The following ARHGAP15 variants were observed in gnomAD, a reference collection of about 807,000 sequenced individuals.
ARHGAP15 encodes rho GTPase-activating protein 15.
In ARHGAP15, 51 loss-of-function variants were observed where a neutral mutation model predicts 63.7. The observed-to-expected ratio is 0.80, with a 90% confidence interval of 0.64 to 1.01. ARHGAP15 has a LOEUF of 1.01. Among genes scored for constraint, ARHGAP15 ranks in the 50% least tolerant of loss-of-function variants. ARHGAP15 has a pLI of 0.00. For missense variants in ARHGAP15, 560 were observed against 564.6 expected, an observed-to-expected ratio of 0.99 and a Z score of 0.08; for synonymous variants, 191 against 193.8, an observed-to-expected ratio of 0.99 and a Z score of 0.12.
chr2:143,303,252 C>G (rs558613801), intron 6 of ARHGAP15, among the ~76,000 whole-genome samples: 1 of 152,016 alleles, frequency 6.6e-6, no homozygotes, highest in South Asian at 2.1e-4. Flanking sequence ...AAAAATTTTG[C>G]TATGTATCCA....
At chr2:143,133,253 A>C (rs935461563) in intron 1 of ARHGAP15, among the ~76,000 whole-genome samples, 1 of 152,200 alleles carries the variant, frequency 6.6e-6, no homozygotes, top group Non-Finnish European at 1.5e-5. Flanking sequence ...AGGCACAAAA[A>C]CACGGCGTGT....
At position 143,662,078 on chromosome 2, in the gene ARHGAP15, A is replaced by G. The variant is rs370530007; in HGVS notation, c.1138+37811A>G. On this transcript the variant is annotated intron_variant, in intron 12 of 13. Coordinates refer to ENST00000295095, the MANE Select transcript of ARHGAP15 (RefSeq NM_018460.4). ...TGGGTGGAGCCCACCACAGCTCAAG[A>G]AGGCCTGCCTGCCTCTGTAGGCTCC... Among the ~76,000 whole-genome samples, 9 of 152,350 alleles carry G rather than the reference A, an allele frequency of 5.9e-5. 1 individual carries two copies. In the South Asian group the frequency reaches 1.0e-3, roughly 18 times the overall value.
rs944591540 is a variant in ARHGAP15, at chr2:143,167,395, C to T, written c.165+11740C>T. Among the ~76,000 whole-genome samples, 4 of 152,226 alleles carry T rather than the reference C, an allele frequency of 2.6e-5. No individual in the cohort carries two copies. The East Asian group carries it at 7.7e-4, about 29-fold the overall frequency. ...TAACCAGGAGACAAAATAGGCTCTA[C>T]TGAGACCTCACAATTCCTTATTTTT... On this transcript the variant is annotated intron_variant, in intron 2 of 13. Coordinates refer to ENST00000295095, the MANE Select transcript of ARHGAP15 (RefSeq NM_018460.4).
chr2:143,153,843 T>TTCTTCTTCTTCCTCTTCCTCC (rs1689957969), intron 1 of ARHGAP15, among the ~76,000 whole-genome samples: 10 of 86,892 alleles, frequency 1.2e-4, no homozygotes, highest in East Asian at 8.4e-4. Context: ...CTTCTTCTTC[T>TTCTTCTTCTTCCTCTTCCTCC]TCCTCCTCCT....
chr2:143,326,468 GATA>G (rs2105240342), intron 6 of ARHGAP15, among the ~76,000 whole-genome samples: 2 of 152,306 alleles, frequency 1.3e-5, no homozygotes, highest in South Asian at 4.1e-4. Flanking sequence ...GAGAAAGAAT[GATA>G]AACGGCTTTA....
intron 1 of ARHGAP15, among the ~76,000 whole-genome samples, chr2:143,141,242 C>T (rs1219049688): frequency 6.6e-6 from 1 of 152,092 alleles, no homozygotes; most frequent in Non-Finnish European, 1.5e-5. Context: ...TGGAAATGCT[C>T]ATGGCCTGGG....
chr2:143,342,372 G>T (rs2105289586), intron 6 of ARHGAP15, among the ~76,000 whole-genome samples: 1 of 152,092 alleles, frequency 6.6e-6, no homozygotes, highest in Middle Eastern at 3.4e-3. Context: ...ATAAGAAAAA[G>T]AAGTGTCTCG....
chr2:143,177,073 A>G (rs1334786924), intron 2 of ARHGAP15, among the ~76,000 whole-genome samples: 3 of 152,192 alleles, frequency 2.0e-5, no homozygotes, highest in Non-Finnish European at 4.4e-5. Context: ...CAGCCCTGCC[A>G]TATCTAAGGG....
At chr2:143,408,145 G>T (rs191517213) in intron 6 of ARHGAP15, among the ~76,000 whole-genome samples, 46 of 148,390 alleles carry the variant, frequency 3.1e-4, no homozygotes, top group Non-Finnish European at 5.4e-4. Context: ...GTATAGAAAG[G>T]GTTGATTTCA....
rs1553485589 is a variant in ARHGAP15, at chr2:143,469,957, C to CT, written c.704-17407dup. On this transcript the variant is annotated intron_variant, in intron 8 of 13. Transcript: ENST00000295095. ...TCAATCTGACTCTCTCACTCTCTCT[C>CT]TTTTTTTTTCTCTCTCTCTCTCTCC... Among the ~76,000 whole-genome samples the CT allele has an allele frequency of 6.4e-3, 970 of 151,006 alleles. 6 individuals are homozygous for CT. The highest frequency in any genetic ancestry group is 0.011 in the Admixed American group (171 of 15,148).
At chr2:143,485,104 C>T (rs991708988) in intron 8 of ARHGAP15, among the ~76,000 whole-genome samples, 7 of 152,050 alleles carry the variant, frequency 4.6e-5, no homozygotes, top group South Asian at 2.1e-4. Context: ...TTTTAATTTC[C>T]GGGATACATG....
chr2:143,472,590 G>A (rs1055184387), intron 8 of ARHGAP15, among the ~76,000 whole-genome samples: 3 of 151,912 alleles, frequency 2.0e-5, no homozygotes, highest in Non-Finnish European at 4.4e-5. Context: ...CTGTTTAGAC[G>A]CATCAGTATT....
intron 13 of ARHGAP15, among the ~76,000 whole-genome samples, chr2:143,733,636 G>A (rs191703974): frequency 1.1e-3 from 166 of 152,266 alleles, no homozygotes; most frequent in African/African-American, 3.9e-3. Context: ...AACTCGTGTT[G>A]TAAGACAAGC....
intron 9 of ARHGAP15, among the ~76,000 whole-genome samples, chr2:143,506,313 G>A (rs551356927): frequency 6.6e-6 from 1 of 152,090 alleles, no homozygotes; most frequent in East Asian, 1.9e-4. Context: ...TTAATTACCT[G>A]AATAAATTCT....
intron 6 of ARHGAP15, among the ~76,000 whole-genome samples, chr2:143,414,450 A>G (rs971936363): frequency 1.3e-5 from 2 of 152,054 alleles, no homozygotes; most frequent in African/African-American, 4.8e-5. Context: ...AGATAATATT[A>G]ATTATTTTTA....
At chr2:143,403,885 G>T (rs1558948173) in intron 6 of ARHGAP15, among the ~76,000 whole-genome samples, 1 of 151,100 alleles carries the variant, frequency 6.6e-6, no homozygotes, top group South Asian at 2.1e-4. Flanking sequence ...AACTATCCAT[G>T]CAAGACTCTC....
At chr2:143,597,136 G>A (rs1697550392) in intron 11 of ARHGAP15, among the ~76,000 whole-genome samples, 1 of 150,056 alleles carries the variant, frequency 6.7e-6, no homozygotes, top group African/African-American at 2.5e-5. Flanking sequence ...CTACTAACTG[G>A]ATTGAAAGCA....
At chr2:143,396,811 C>G (rs1257757928) in intron 6 of ARHGAP15, among the ~76,000 whole-genome samples, 18 of 151,840 alleles carry the variant, frequency 1.2e-4, no homozygotes, top group Admixed American at 1.2e-3. Context: ...AGGACCTTTC[C>G]CAGGAGCACA....
At chr2:143,591,614 C>CTTT (rs67060048) in intron 11 of ARHGAP15, among the ~76,000 whole-genome samples, 35 of 124,058 alleles carry the variant, frequency 2.8e-4, no homozygotes, top group African/African-American at 7.0e-4. Context: ...TTTGTTTGTT[C>CTTT]TTTTTTTTTT....
Sources: gnomAD v4.1 joint callset for allele counts (sites outside exome capture counted in the v4.1 genomes callset) on GRCh38, gnomAD v4.1.1 for gene constraint, MANE v1.5 for transcripts, NCBI Gene and HGNC (gene_info 2026-07-23, HGNC 2026-07-21) for gene names.